Variants in FSHR observed in about 807,000 individuals in gnomAD.
FSHR encodes the protein follicle-stimulating hormone receptor.
In FSHR, 46 loss-of-function variants were observed where a neutral mutation model predicts 52.1. The ratio of observed to expected loss-of-function variants is 0.88; its 90% CI spans 0.70 to 1.13. The LOEUF (loss-of-function observed/expected upper bound fraction) is 1.13. Among genes scored for constraint, FSHR ranks in the 50% most tolerant of loss-of-function variants. FSHR has a pLI of 0.00. For missense variants in FSHR, 964 were observed against 834.6 expected (o/e 1.16, Z -1.91); for synonymous variants, 399 against 309.6 (o/e 1.29, Z -3.03).
At chr2:48,994,634 A>T (rs1337922277) in intron 4 of FSHR, among the ~76,000 whole-genome samples, 1 of 151,786 alleles carries the variant, frequency 6.6e-6, no homozygotes, top group African/African-American at 2.4e-5. Flanking sequence ...ATTCATGCTG[A>T]TGGAGGCTGG....
intron 1 of FSHR, among the ~76,000 whole-genome samples, chr2:49,082,405 G>T (rs943827612): frequency 2.0e-5 from 3 of 152,124 alleles, no homozygotes; most frequent in Non-Finnish European, 4.4e-5. Context: ...AAAAAACAGA[G>T]CAGAAAAACT....
At chr2:49,088,879 A>G (rs146886163) in intron 1 of FSHR, among the ~76,000 whole-genome samples, 16 of 152,326 alleles carry the variant, frequency 1.1e-4, no homozygotes, top group South Asian at 2.1e-4. Context: ...AATGCACTTA[A>G]AACTAATTTC....
intron 8 of FSHR, among the ~76,000 whole-genome samples, chr2:48,971,085 T>C (rs1210477546): frequency 6.6e-6 from 1 of 152,218 alleles, no homozygotes; most frequent in African/African-American, 2.4e-5. Flanking sequence ...TAAGACCCTT[T>C]AATGACTCCC....
intron 2 of FSHR, among the ~76,000 whole-genome samples, chr2:49,050,530 GA>G (rs1024398212): frequency 2.6e-5 from 4 of 152,134 alleles, no homozygotes; most frequent in African/African-American, 9.7e-5. Context: ...GAACATGTGG[GA>G]AAATGGTAGA....
intron 1 of FSHR, among the ~76,000 whole-genome samples, chr2:49,134,314 A>G (rs1426326830): frequency 6.6e-6 from 1 of 152,250 alleles, no homozygotes; most frequent in African/African-American, 2.4e-5. Context: ...ACAAGAAGAA[A>G]TGCTCATCAT....
At chr2:49,100,512 G>A (rs1670986764) in intron 1 of FSHR, among the ~76,000 whole-genome samples, 1 of 152,164 alleles carries the variant, frequency 6.6e-6, no homozygotes, top group Non-Finnish European at 1.5e-5. Context: ...AAAAAGGAAA[G>A]TCTCAAGACT....
chr2:49,024,652 G>C lies in FSHR; in HGVS notation c.225-4492C>G, dbSNP rs151147159. On this transcript the variant is annotated intron_variant, in intron 2 of 9. Coordinates refer to ENST00000406846, the MANE Select transcript of FSHR (RefSeq NM_000145.4). The stretch of plus-strand genomic sequence containing the variant: ...TTTTCACTTTCTTTCTGATAGAGGA[G>C]ATAAAGTCCCCCTCTGGGTCTTTCC... 4.7e-3 allele frequency among the ~76,000 whole-genome samples: 718 copies of C among 152,200 alleles called. 3 individuals are homozygous for C. Among genetic ancestry groups the C allele is most frequent in the African/African-American group, 0.016 (654 of 41,548 alleles).
intron 2 of FSHR, among the ~76,000 whole-genome samples, chr2:49,020,525 C>T (rs1295797204): frequency 6.9e-6 from 1 of 145,658 alleles, no homozygotes; most frequent in Non-Finnish European, 1.5e-5. Context: ...TTTTTTTTTA[C>T]AGGGCTAGAT....
At chr2:49,068,031 C>A (rs1386984672) in intron 2 of FSHR, among the ~76,000 whole-genome samples, 188 bp downstream of exon 2, 1 of 150,792 alleles carries the variant, frequency 6.6e-6, no homozygotes, top group Non-Finnish European at 1.5e-5. Flanking sequence ...ATTTCAATGG[C>A]CTCAGTGAAA....
intron 1 of FSHR, among the ~76,000 whole-genome samples, chr2:49,127,523 C>A (rs1432070181): frequency 4.0e-5 from 6 of 148,296 alleles, no homozygotes; most frequent in African/African-American, 1.0e-4. Context: ...CCACAATACA[C>A]ACACACACAC....
chr2:49,046,796 G>A (rs533796295), intron 2 of FSHR, among the ~76,000 whole-genome samples: 3 of 152,012 alleles, frequency 2.0e-5, no homozygotes, highest in Non-Finnish European at 4.4e-5. Context: ...TAGTTGGCTT[G>A]GTCTCTCTTA....
In FSHR at chr2:49,008,906, C is replaced by T. The variant is rs866043758; in HGVS notation, c.374+8583G>A. 5.3e-5 allele frequency among the ~76,000 whole-genome samples: 8 copies of T among 151,866 alleles called. 1 individual carries two copies. In the South Asian group the frequency reaches 1.0e-3, roughly 20 times the overall value. ...TTTTTCTTGTAAATTTGTTTGAGTT[C>T]ATTGTAGATTCTGGATACTAGCCCT... On this transcript the variant is annotated intron_variant, in intron 4 of 9. Transcript: ENST00000406846.
chr2:49,090,303 A>G (rs1415793949), intron 1 of FSHR, among the ~76,000 whole-genome samples: 1 of 152,186 alleles, frequency 6.6e-6, no homozygotes, highest in East Asian at 1.9e-4. Flanking sequence ...AACTGCTAGT[A>G]ATGACCAATC....
intron 1 of FSHR, among the ~76,000 whole-genome samples, chr2:49,138,012 C>A (rs1308185847): frequency 6.6e-6 from 1 of 152,012 alleles, no homozygotes; most frequent in Non-Finnish European, 1.5e-5. Context: ...TGAAAAGGCT[C>A]ACATAATGGG....
chr2:49,076,884 C>T (rs1669969860), intron 1 of FSHR, among the ~76,000 whole-genome samples: 1 of 152,204 alleles, frequency 6.6e-6, no homozygotes, highest in Admixed American at 6.5e-5. Flanking sequence ...GTTTTGACTC[C>T]ATTTCTCACA....
chr2:49,008,162 T>C (rs1199938414), intron 4 of FSHR, among the ~76,000 whole-genome samples: 4 of 64,406 alleles, frequency 6.2e-5, no homozygotes, highest in African/African-American at 1.2e-4. Context: ...TATCTCCCAA[T>C]GCTATCCCTC....
At chr2:49,077,910 C>T (rs1670007329) in intron 1 of FSHR, among the ~76,000 whole-genome samples, 1 of 152,202 alleles carries the variant, frequency 6.6e-6, no homozygotes, top group African/African-American at 2.4e-5. Flanking sequence ...GTTCATATCA[C>T]TATCAGCATT....
At chr2:48,985,764 A>T (rs1213354794) in intron 6 of FSHR, among the ~76,000 whole-genome samples, 2 of 107,030 alleles carry the variant, frequency 1.9e-5, no homozygotes, top group African/African-American at 3.7e-5. Context: ...CGGACTGCGG[A>T]CTGCAGTGGC....
chr2:49,051,647 T>A (rs187863516), intron 2 of FSHR, among the ~76,000 whole-genome samples: 1 of 152,200 alleles, frequency 6.6e-6, no homozygotes, highest in African/African-American at 2.4e-5. Flanking sequence ...GGTTGTCATT[T>A]TCTTGATGGT....
Sources: gnomAD v4.1 joint callset for allele counts (sites outside exome capture counted in the v4.1 genomes callset) on GRCh38, gnomAD v4.1.1 for gene constraint, MANE v1.5 for transcripts, NCBI Gene and HGNC (gene_info 2026-07-23, HGNC 2026-07-21) for gene names.